TESC: variants seen among roughly 807,000 people sequenced by gnomAD.
The protein encoded by TESC is calcineurin B homologous protein 3.
A neutral mutation model predicts 31.0 loss-of-function variants in TESC; 19 were observed. That is an observed-to-expected ratio of 0.61 (90% CI 0.43 to 0.90). The LOEUF (loss-of-function observed/expected upper bound fraction) is 0.90. Among genes scored for constraint, TESC ranks in the 40% least tolerant of loss-of-function variants. The pLI is 0.00. For synonymous variants in TESC, 109 were observed against 114.8 expected, an observed-to-expected ratio of 0.95 and a Z score of 0.32; for missense variants, 248 against 303.8, an observed-to-expected ratio of 0.82 and a Z score of 1.36.
intron 2 of TESC, among the ~76,000 whole-genome samples, chr12:117,071,792 C>T (rs761622661): frequency 6.6e-5 from 10 of 152,098 alleles, no homozygotes; most frequent in Non-Finnish European, 1.2e-4. Context: ...AGGAGTCCGG[C>T]GCCATCAGCA....
At chr12:117,087,539 T>C (rs1200538999) in intron 1 of TESC, among the ~76,000 whole-genome samples, 2 of 152,214 alleles carry the variant, frequency 1.3e-5, no homozygotes, top group Admixed American at 6.5e-5. Context: ...TCTACTCTTC[T>C]CTCATGAGCA....
intron 6 of TESC, among the ~76,000 whole-genome samples, chr12:117,045,374 T>C (rs1259471837): frequency 6.6e-6 from 1 of 152,172 alleles, no homozygotes; most frequent in Admixed American, 6.5e-5. Context: ...AAGAAAACTG[T>C]CGCCAATTGA....
intron 2 of TESC, among the ~76,000 whole-genome samples, chr12:117,074,732 T>A (rs1955025168): frequency 6.6e-6 from 1 of 151,972 alleles, no homozygotes; most frequent in Non-Finnish European, 1.5e-5. Flanking sequence ...GGGTGAGGCA[T>A]GGGGTGGCTG....
chr12:117,096,134 C>T (rs1034089465), intron 1 of TESC, among the ~76,000 whole-genome samples: 1 of 152,176 alleles, frequency 6.6e-6, no homozygotes, highest in African/African-American at 2.4e-5. Context: ...TCATTATCAC[C>T]AGCCTCAGCC....
intron 1 of TESC, among the ~76,000 whole-genome samples, chr12:117,079,722 G>T (rs944748913): frequency 6.6e-6 from 1 of 152,116 alleles, no homozygotes; most frequent in East Asian, 1.9e-4. Flanking sequence ...GGAGGGGAGG[G>T]GCTGGAGAGG....
chr12:117,083,205 C>T (rs1044395903), intron 1 of TESC, among the ~76,000 whole-genome samples: 1 of 152,144 alleles, frequency 6.6e-6, no homozygotes, highest in African/African-American at 2.4e-5. Context: ...CCTGCCTCAG[C>T]CTCCCCGCAC....
At position 117,046,803 on chromosome 12, in the gene TESC, G is replaced by A. The variant is rs979997799; in HGVS notation, c.385C>T (p.Arg129Cys). 9.6e-6 allele frequency: 15 copies of A among 1,570,626 alleles called. No homozygotes were observed. Among genetic ancestry groups the A allele is most frequent in the African/African-American group, 4.0e-5 (3 of 74,248 alleles). The change falls in exon 5 of 8, where the codon CGC becomes TGC. Residue 129 changes from arginine (R) to cysteine (C), a missense_variant. Coordinates refer to ENST00000335209, the MANE Select transcript of TESC (RefSeq NM_017899.4). ...TTTCGATATTCTTCCAGAGTGATGC[G>A]GCCGTCGCTGTCCGAGTCGTACATG... ...FHMYDSDSDG[R>C]ITLEEYRNVV... is the part of the protein sequence containing the mutation.
rs1004301613 is a variant in TESC at position 117,041,558 on chromosome 12, C to A, written c.567+389G>T. Among the ~76,000 whole-genome samples, 29 of 152,310 alleles carry A rather than the reference C, an allele frequency of 1.9e-4. 1 individual carries two copies. The highest frequency in any genetic ancestry group is 6.7e-4 in the African/African-American group (28 of 41,562). On this transcript the variant is annotated intron_variant, in intron 7 of 7. Transcript: ENST00000335209. ...ATGTTGGTCAAGCTGGTCTCGAACT[C>A]CTGACGTCAGGTGATCTGCCCGCCT...
At chr12:117,063,296 T>A (rs1017475077) in intron 2 of TESC, among the ~76,000 whole-genome samples, 7 of 152,020 alleles carry the variant, frequency 4.6e-5, no homozygotes, top group Non-Finnish European at 8.8e-5. Flanking sequence ...CAGTTGCGCA[T>A]TTTTACGTTA....
chr12:117,053,868 G>A (rs1954684201), intron 3 of TESC: 1 of 152,402 alleles, frequency 6.6e-6, no homozygotes, highest in Non-Finnish European at 1.5e-5. Context: ...GGGGCCGCAC[G>A]CCTCCCACCC....
At chr12:117,056,773 T>C (rs1232591319) in intron 3 of TESC, 33 bp downstream of exon 3, 1 of 1,604,884 alleles carries the variant, frequency 6.2e-7, no homozygotes. Context: ...CAAGGGTGCC[T>C]GCCACTGGGC....
chr12:117,041,611 G>A (rs954307309), intron 7 of TESC, among the ~76,000 whole-genome samples: 1 of 152,216 alleles, frequency 6.6e-6, no homozygotes, highest in South Asian at 2.1e-4. Flanking sequence ...GGGATTACAG[G>A]CATGAGCCAC....
intron 1 of TESC, among the ~76,000 whole-genome samples, chr12:117,095,801 G>A (rs1955385405): frequency 6.6e-6 from 1 of 152,082 alleles, no homozygotes; most frequent in South Asian, 2.1e-4. Flanking sequence ...GATCGCTGGA[G>A]CCCAGGAGTT....
At chr12:117,092,388 G>C (rs1407578465) in intron 1 of TESC, among the ~76,000 whole-genome samples, 1 of 152,254 alleles carries the variant, frequency 6.6e-6, no homozygotes, top group South Asian at 2.1e-4. Context: ...GCATGGGCTA[G>C]AGCAGGCAGG....
intron 6 of TESC, among the ~76,000 whole-genome samples, chr12:117,045,505 C>T (rs1222678711): frequency 6.6e-6 from 1 of 152,246 alleles, no homozygotes; most frequent in African/African-American, 2.4e-5. Context: ...AGCCCTCTCC[C>T]GTGGTGGTTA....
intron 6 of TESC, among the ~76,000 whole-genome samples, chr12:117,045,627 G>A (rs1398117543): frequency 1.3e-5 from 2 of 152,220 alleles, no homozygotes; most frequent in Non-Finnish European, 2.9e-5. Context: ...CTGCCCCTGG[G>A]GGCAGGCCCA....
chr12:117,082,592 C>T lies in TESC; in HGVS notation c.59-7252G>A, dbSNP rs144136671. ...TACATCCTGAAGTCAGAATACTACA[C>T]AGCCTTTATAAATATTTTTTGAATA... On this transcript the variant is annotated intron_variant, in intron 1 of 7. Coordinates refer to ENST00000335209, the MANE Select transcript of TESC (RefSeq NM_017899.4). Among the ~76,000 whole-genome samples, 349 of 151,902 alleles carry T rather than the reference C, an allele frequency of 2.3e-3. 1 individual carries two copies. Among genetic ancestry groups the T allele is most frequent in the Middle Eastern group, 7.0e-3 (2 of 286 alleles).
Position 117,049,097 on chromosome 12 carries a change from T to C in TESC, c.271A>G (p.Ile91Val). 2.5e-6 allele frequency: 4 copies of C among 1,614,222 alleles called. No homozygotes were observed. Among genetic ancestry groups the C allele is most frequent in the Non-Finnish European group, 3.4e-6 (4 of 1,180,032 alleles). Residue 91 changes from isoleucine to valine, a missense_variant, in exon 4 of 8, where the codon ATC becomes GTC. Transcript: ENST00000335209. ...TCGATGGGCCGGAAGTAGGACATGA[T>C]GGTCAGGAAGTCCTCGAAATTGATC... ...DEINFEDFLT[I>V]MSYFRPIDTT...
intron 2 of TESC, among the ~76,000 whole-genome samples, chr12:117,074,443 C>T (rs1441136306): frequency 1.3e-5 from 2 of 152,162 alleles, no homozygotes; most frequent in African/African-American, 4.8e-5. Flanking sequence ...CATTAAAAAG[C>T]AACCTAAAGG....
Sources: gnomAD v4.1 joint callset for allele counts (sites outside exome capture counted in the v4.1 genomes callset) on GRCh38, gnomAD v4.1.1 for gene constraint, MANE v1.5 for transcripts, NCBI Gene and HGNC (gene_info 2026-07-23, HGNC 2026-07-21) for gene names.